RANBP2: variants seen among roughly 807,000 people sequenced by gnomAD.
The protein encoded by RANBP2 is RAN binding protein 2.
RANBP2 carries 57 observed loss-of-function variants against 303.6 expected under a neutral mutation model. The observed-to-expected ratio is 0.19, with a 90% CI of 0.15 to 0.23. The LOEUF (loss-of-function observed/expected upper bound fraction) is 0.23. Among genes scored for constraint, RANBP2 ranks in the 10% least tolerant of loss-of-function variants. The probability of loss-of-function intolerance (pLI) is 1.00; values close to 1 mark genes in which losing one functional copy is unlikely to be tolerated. For synonymous variants in RANBP2, 1,167 were observed against 1,301.5 expected, an observed-to-expected ratio of 0.90 and a Z score of 2.23; for missense variants, 3,138 against 3,780.8, an observed-to-expected ratio of 0.83 and a Z score of 4.46.
the RANBP2 span, among the ~76,000 whole-genome samples, chr2:109,674,614 AT>A: frequency 5.3e-5 from 8 of 152,034 alleles, no homozygotes; most frequent in Non-Finnish European, 7.4e-5. Flanking sequence ...AAGAAAAAAA[AT>A]ATTAGTTTCT....
the RANBP2 span, among the ~76,000 whole-genome samples, chr2:109,443,081 A>G: frequency 6.6e-6 from 1 of 152,266 alleles, no homozygotes; most frequent in Non-Finnish European, 1.5e-5. Context: ...TATCATGAAC[A>G]CTGAATTTGT....
At chr2:109,479,174 C>T in the RANBP2 span, among the ~76,000 whole-genome samples, 1 of 152,316 alleles carries the variant, frequency 6.6e-6, no homozygotes, top group African/African-American at 2.4e-5. Context: ...AGTGCACGGC[C>T]TGCCCTTGAC....
the RANBP2 span, among the ~76,000 whole-genome samples, chr2:108,990,528 G>A: frequency 9.9e-5 from 15 of 152,108 alleles, no homozygotes; most frequent in East Asian, 2.9e-3. Flanking sequence ...CCCAGGAGAT[G>A]GAAGTTGCAG....
the RANBP2 span, among the ~76,000 whole-genome samples, chr2:109,763,114 G>A: frequency 1.3e-5 from 2 of 150,046 alleles, 1 homozygote; most frequent in African/African-American, 4.9e-5. Context: ...CCTGGAAAGG[G>A]TAAGTAAGTG....
rs535092359 is a variant in RANBP2 at position 108,731,249 on chromosome 2, A to G, written c.253-73A>G. On this transcript the variant is annotated intron_variant, in intron 3 of 28. Transcript: ENST00000283195. Reference sequence around the variant, plus strand: ...GGAGTGATAATTTTTTAACCTTTATATATAAGTATATATACTCCTACATAC... The same window carrying G: ...GGAGTGATAATTTTTTAACCTTTATGTATAAGTATATATACTCCTACATAC... The G allele has an allele frequency of 2.7e-5, 42 of 1,548,214 alleles. No individual in the cohort carries two copies. In the East Asian group the frequency reaches 5.7e-4, roughly 21 times the overall value.
At chr2:109,147,942 G>T in the RANBP2 span, among the ~76,000 whole-genome samples, 5 of 152,118 alleles carry the variant, frequency 3.3e-5, no homozygotes, top group African/African-American at 7.2e-5. Flanking sequence ...GAAGAGTTTT[G>T]GGGACTAGCT....
At chr2:108,990,437 CAA>C in the RANBP2 span, among the ~76,000 whole-genome samples, 10 of 70,624 alleles carry the variant, frequency 1.4e-4, no homozygotes, top group African/African-American at 3.5e-4. Flanking sequence ...GACTCCGTCT[CAA>C]AAAAAAAAAA....
chr2:109,056,804 G>A, the RANBP2 span, among the ~76,000 whole-genome samples: 1 of 152,236 alleles, frequency 6.6e-6, no homozygotes, highest in Non-Finnish European at 1.5e-5. Flanking sequence ...AGGTACCTGT[G>A]AGATAGCCCT....
the RANBP2 span, among the ~76,000 whole-genome samples, chr2:109,229,025 A>C: frequency 6.6e-6 from 1 of 152,154 alleles, no homozygotes; most frequent in Admixed American, 6.5e-5. Flanking sequence ...CAGCACAGAA[A>C]AAAGGTTTCC....
At chr2:108,942,583 C>T in the RANBP2 span, among the ~76,000 whole-genome samples, 1 of 152,270 alleles carries the variant, frequency 6.6e-6, no homozygotes, top group African/African-American at 2.4e-5. Flanking sequence ...ATGGTGCCTT[C>T]ATTTTGTGAG....
chr2:109,551,934 G>A, the RANBP2 span, among the ~76,000 whole-genome samples: 2 of 152,296 alleles, frequency 1.3e-5, no homozygotes, highest in South Asian at 4.1e-4. Flanking sequence ...ATCTAGACCA[G>A]GGGTCCCCAA....
chr2:108,795,150 ATTTTTTTTTTT>A, the RANBP2 span, among the ~76,000 whole-genome samples: 39 of 85,040 alleles, frequency 4.6e-4, no homozygotes, highest in Non-Finnish European at 6.6e-4. Flanking sequence ...TCTAAAGTGT[ATTTTTTTTTTT>A]TTTTTTTTTT....
the RANBP2 span, among the ~76,000 whole-genome samples, chr2:109,415,748 G>A: frequency 6.6e-6 from 1 of 152,066 alleles, no homozygotes; most frequent in Non-Finnish European, 1.5e-5. Context: ...ACTTCATCTG[G>A]CCTCCCACCT....
chr2:109,219,773 T>G, the RANBP2 span, among the ~76,000 whole-genome samples: 1 of 152,222 alleles, frequency 6.6e-6, no homozygotes, highest in Non-Finnish European at 1.5e-5. Context: ...TACAACATGT[T>G]TTTGATACAA....
At chr2:109,523,641 C>T in the RANBP2 span, among the ~76,000 whole-genome samples, 3 of 152,176 alleles carry the variant, frequency 2.0e-5, no homozygotes, top group African/African-American at 7.2e-5. Flanking sequence ...CCACTGGACA[C>T]ATGAGCCGCT....
chr2:108,982,708 C>G, the RANBP2 span, among the ~76,000 whole-genome samples: 1 of 152,346 alleles, frequency 6.6e-6, no homozygotes, highest in African/African-American at 2.4e-5. Flanking sequence ...GGCAGTAATT[C>G]TAGAGAAAGT....
chr2:109,115,093 A>C, the RANBP2 span, among the ~76,000 whole-genome samples: 1 of 151,710 alleles, frequency 6.6e-6, no homozygotes, highest in African/African-American at 2.4e-5. Context: ...GTGGTGCTGG[A>C]AAAAATGTAT....
the RANBP2 span, among the ~76,000 whole-genome samples, chr2:108,840,678 C>T: frequency 3.3e-5 from 5 of 152,114 alleles, no homozygotes; most frequent in Admixed American, 1.3e-4. Context: ...TTATTTCCTT[C>T]TTGATATGGA....
chr2:109,151,461 A>G, the RANBP2 span, among the ~76,000 whole-genome samples: 1 of 152,256 alleles, frequency 6.6e-6, no homozygotes, highest in East Asian at 1.9e-4. Context: ...TTTGAGCCAC[A>G]TATTTAATTT....
Sources: gnomAD v4.1 joint callset for allele counts (sites outside exome capture counted in the v4.1 genomes callset) on GRCh38, gnomAD v4.1.1 for gene constraint, MANE v1.5 for transcripts, NCBI Gene and HGNC (gene_info 2026-07-23, HGNC 2026-07-21) for gene names.